Variants in GNA13 observed in about 807,000 individuals in gnomAD.
GNA13 encodes guanine nucleotide-binding protein subunit alpha-13.
A neutral mutation model predicts 33.5 loss-of-function variants in GNA13; 4 were observed. The ratio of observed to expected loss-of-function variants is 0.12; its 90% CI spans 0.06 to 0.27. The LOEUF is 0.27. Among genes scored for constraint, GNA13 ranks in the 10% least tolerant of loss-of-function variants. The probability of loss-of-function intolerance (pLI) is 1.00; values close to 1 mark genes in which losing one functional copy is unlikely to be tolerated. For synonymous variants in GNA13, 176 were observed against 183.8 expected, an observed-to-expected ratio of 0.96 and a Z score of 0.34; for missense variants, 319 against 487.2, an observed-to-expected ratio of 0.65 and a Z score of 3.25.
At chr17:65,023,850 C>T (rs1281156521) in intron 2 of GNA13, among the ~76,000 whole-genome samples, 2 of 152,232 alleles carry the variant, frequency 1.3e-5, no homozygotes, top group Non-Finnish European at 2.9e-5. Flanking sequence ...TTCTACCTAA[C>T]CTTCAAGTGG....
At chr17:65,023,458 G>C (rs1906662642) in intron 2 of GNA13, among the ~76,000 whole-genome samples, 1 of 152,170 alleles carries the variant, frequency 6.6e-6, no homozygotes, top group Non-Finnish European at 1.5e-5. Context: ...TTCTTTTCCT[G>C]AACAAGAACT....
intron 2 of GNA13, among the ~76,000 whole-genome samples, chr17:65,047,052 G>A (rs888786075): frequency 6.6e-6 from 1 of 152,024 alleles, no homozygotes; most frequent in East Asian, 1.9e-4. Context: ...AAAACTATAA[G>A]TGTAAACTTA....
At chr17:65,016,930 G>T (rs1906390903) in intron 3 of GNA13, among the ~76,000 whole-genome samples, 1 of 152,120 alleles carries the variant, frequency 6.6e-6, no homozygotes, top group South Asian at 2.1e-4. Flanking sequence ...ATGCATTAAC[G>T]TGCTGTACTT....
chr17:65,041,920 T>C (rs554311178), intron 2 of GNA13, among the ~76,000 whole-genome samples: 2 of 152,364 alleles, frequency 1.3e-5, no homozygotes, highest in African/African-American at 4.8e-5. Context: ...CAACCATCTA[T>C]ATAACACTCT....
At position 65,013,986 on chromosome 17, in the gene GNA13, C is replaced by T. The variant is rs1251210015; in HGVS notation, c.*271G>A. On this transcript the variant is annotated 3_prime_UTR_variant, in exon 4 of 4. Coordinates refer to ENST00000439174, the MANE Select transcript of GNA13 (RefSeq NM_006572.6). ...ATTTAAAGCCTGAAATATGCCTAGT[C>T]TGAGGTCAGCTGGGAGGTTTTAACT... 4.9e-6 allele frequency: 2 copies of T among 406,602 alleles called. No homozygotes were observed. The highest frequency in any genetic ancestry group is 4.0e-5 in the Admixed American group (1 of 24,822). 25.2% of individuals were successfully genotyped at this position (406,602 alleles called of 1,614,324 possible). A position where few individuals can be genotyped will look rare whatever the true frequency, so the allele number is the denominator to read the frequency against.
intron 2 of GNA13, among the ~76,000 whole-genome samples, chr17:65,041,950 T>C (rs190587453): frequency 1.1e-3 from 162 of 152,346 alleles, no homozygotes; most frequent in African/African-American, 3.7e-3. Flanking sequence ...AAATGACATT[T>C]GATTCTTTAG....
intron 2 of GNA13, among the ~76,000 whole-genome samples, chr17:65,044,398 A>G (rs1907578541): frequency 6.6e-6 from 1 of 152,248 alleles, no homozygotes; most frequent in Admixed American, 6.5e-5. Flanking sequence ...GGTGAATAGT[A>G]TATAGCTAGG....
At chr17:65,035,015 C>T (rs928671358) in intron 2 of GNA13, among the ~76,000 whole-genome samples, 4 of 152,028 alleles carry the variant, frequency 2.6e-5, no homozygotes, top group Admixed American at 2.6e-4. Context: ...GAACGCCCGA[C>T]CTCAGGTGAT....
At chr17:65,042,506 G>A (rs1907495610) in intron 2 of GNA13, among the ~76,000 whole-genome samples, 1 of 152,152 alleles carries the variant, frequency 6.6e-6, no homozygotes, top group Non-Finnish European at 1.5e-5. Flanking sequence ...GGAGGCTGAG[G>A]TGGGCAGATC....
At chr17:65,022,935 T>C (rs1308130095) in intron 2 of GNA13, among the ~76,000 whole-genome samples, 2 of 152,228 alleles carry the variant, frequency 1.3e-5, no homozygotes, top group Non-Finnish European at 2.9e-5. Context: ...TTAAGAAACA[T>C]GGCAAATTAT....
chr17:65,029,141 A>G (rs1003964840), intron 2 of GNA13, among the ~76,000 whole-genome samples: 2 of 152,336 alleles, frequency 1.3e-5, no homozygotes, highest in African/African-American at 4.8e-5. Flanking sequence ...CAGGAGAAAT[A>G]TAATAGTATC....
Position 65,011,583 on chromosome 17 carries a change from T to C in GNA13, c.*2674A>G, listed in dbSNP as rs1220527127. 9.4e-6 allele frequency: 2 copies of C among 212,152 alleles called. No homozygotes were observed. The highest frequency in any genetic ancestry group is 1.9e-5 in the Non-Finnish European group (2 of 104,560). The allele number at this position is 212,152 out of a possible 1,614,324, so 13.1% of individuals were successfully genotyped here. ...TATGTTGTTTTATAAGGCAACTGTA[T>C]ATACATTTCTTCAAGGTCAATGAAG... On this transcript the variant is annotated 3_prime_UTR_variant, in exon 4 of 4. Coordinates refer to ENST00000439174, the MANE Select transcript of GNA13 (RefSeq NM_006572.6).
rs76790747 is a variant in GNA13 at position 65,009,936 on chromosome 17, T to C, written c.*4321A>G. 0.022 allele frequency among the ~76,000 whole-genome samples: 3,372 copies of C among 152,268 alleles called. 133 individuals are homozygous for C. Among genetic ancestry groups the C allele is most frequent in the African/African-American group, 0.076 (3,160 of 41,544 alleles). On this transcript the variant is annotated 3_prime_UTR_variant, in exon 4 of 4. Transcript: ENST00000439174. ...CCAAAGTCACATACCAAGTAGTATA[T>C]GACGTTCAGTGATATTCACTGACTG...
chr17:65,027,518 T>C (rs772599796), intron 2 of GNA13, among the ~76,000 whole-genome samples: 9 of 152,190 alleles, frequency 5.9e-5, no homozygotes, highest in Non-Finnish European at 1.3e-4. Flanking sequence ...GCACCTCCTA[T>C]GGCATGAGTC....
intron 1 of GNA13, chr17:65,055,884 G>T: frequency 6.4e-6 from 2 of 313,896 alleles, no homozygotes; most frequent in Non-Finnish European, 9.3e-6. Context: ...GCGAGGTTCG[G>T]CCCACATCGC....
chr17:65,031,199 G>A (rs888006616), intron 2 of GNA13, among the ~76,000 whole-genome samples: 5 of 152,190 alleles, frequency 3.3e-5, no homozygotes, highest in Non-Finnish European at 5.9e-5. Flanking sequence ...GCACGTTACT[G>A]TACTGAATAG....
chr17:65,044,667 C>T lies in GNA13; in HGVS notation c.510+8835G>A, dbSNP rs115330875. 3.3e-3 allele frequency among the ~76,000 whole-genome samples: 503 copies of T among 150,756 alleles called. 4 individuals carry two copies. The highest frequency in any genetic ancestry group is 0.011 in the African/African-American group (469 of 41,116). On this transcript the variant is annotated intron_variant, in intron 2 of 3. Coordinates refer to ENST00000439174, the MANE Select transcript of GNA13 (RefSeq NM_006572.6). ...AAAAGGAAAAAAAAAAAAGAAAAAA[C>T]TTTGTGAGAAATTGCAATCTCGAGT...
chr17:65,044,244 T>A (rs1907572925), intron 2 of GNA13, among the ~76,000 whole-genome samples: 1 of 152,240 alleles, frequency 6.6e-6, no homozygotes, highest in Non-Finnish European at 1.5e-5. Context: ...TTTGGCCAAG[T>A]GCACTAAAGT....
intron 2 of GNA13, among the ~76,000 whole-genome samples, chr17:65,050,790 C>T (rs958748367): frequency 6.6e-6 from 1 of 152,160 alleles, no homozygotes; most frequent in Non-Finnish European, 1.5e-5. Flanking sequence ...AAAAGAATCT[C>T]TGTCCTCCAG....
Sources: gnomAD v4.1 joint callset for allele counts (sites outside exome capture counted in the v4.1 genomes callset) on GRCh38, gnomAD v4.1.1 for gene constraint, MANE v1.5 for transcripts, NCBI Gene and HGNC (gene_info 2026-07-23, HGNC 2026-07-21) for gene names.